Variants in ADAMTSL1 observed in about 807,000 individuals in gnomAD.
ADAMTSL1 encodes ADAMTS-like protein 1.
A neutral mutation model predicts 201.8 loss-of-function variants in ADAMTSL1; 126 were observed. The ratio of observed to expected loss-of-function variants is 0.62; its 90% CI spans 0.54 to 0.72. ADAMTSL1 has a LOEUF of 0.72. Among genes scored for constraint, ADAMTSL1 ranks in the 30% least tolerant of loss-of-function variants. The pLI is 0.00. For synonymous variants in ADAMTSL1, 1,121 were observed against 903.4 expected (o/e 1.24, Z -4.32); for missense variants, 2,679 against 2,277.8 (o/e 1.18, Z -3.59).
At chr9:18,045,703 C>T (rs1346603542) in intron 1 of ADAMTSL1, among the ~76,000 whole-genome samples, 1 of 151,900 alleles carries the variant, frequency 6.6e-6, no homozygotes, top group Non-Finnish European at 1.5e-5. Flanking sequence ...GTCATCATTT[C>T]CATGGATCAG....
At chr9:18,808,455 C>G (rs1274518413) in intron 20 of ADAMTSL1, among the ~76,000 whole-genome samples, 2 of 152,124 alleles carry the variant, frequency 1.3e-5, no homozygotes, top group African/African-American at 2.4e-5. Flanking sequence ...CAACAGTGAT[C>G]CTCCTGACAA....
At chr9:18,866,001 G>T (rs1443009484) in intron 23 of ADAMTSL1, among the ~76,000 whole-genome samples, 4 of 151,734 alleles carry the variant, frequency 2.6e-5, no homozygotes, top group Non-Finnish European at 5.9e-5. Flanking sequence ...GAAGGAAAGG[G>T]AGGGTTGGGA....
chr9:18,109,744 C>T (rs1315584794), intron 1 of ADAMTSL1, among the ~76,000 whole-genome samples: 1 of 152,124 alleles, frequency 6.6e-6, no homozygotes, highest in East Asian at 1.9e-4. Context: ...CCCAATGTCC[C>T]TTGAATTCTT....
intron 7 of ADAMTSL1, among the ~76,000 whole-genome samples, chr9:18,654,239 G>A (rs1372609919): frequency 6.6e-6 from 1 of 152,126 alleles, no homozygotes; most frequent in Non-Finnish European, 1.5e-5. Context: ...AAAACAAAGT[G>A]CTCTTGGATA....
chr9:18,865,178 T>C (rs1004506552), intron 23 of ADAMTSL1, among the ~76,000 whole-genome samples: 17 of 152,152 alleles, frequency 1.1e-4, no homozygotes, highest in African/African-American at 2.4e-4. Context: ...CTCCTAATGC[T>C]ATCCCTCCCC....
At chr9:18,211,513 C>G (rs529737337) in intron 2 of ADAMTSL1, among the ~76,000 whole-genome samples, 96 of 152,262 alleles carry the variant, frequency 6.3e-4, no homozygotes, top group Middle Eastern at 3.4e-3. Context: ...AAAAACCTCT[C>G]TAGGACTCTC....
chr9:18,052,841 C>CATTT (rs1821999180), intron 1 of ADAMTSL1, among the ~76,000 whole-genome samples: 1 of 152,082 alleles, frequency 6.6e-6, no homozygotes. Context: ...ATTCTCTGTA[C>CATTT]ATTTTGAAAA....
chr9:18,254,994 GTATT>G (rs1333666738), intron 2 of ADAMTSL1, among the ~76,000 whole-genome samples: 2 of 152,024 alleles, frequency 1.3e-5, no homozygotes, highest in African/African-American at 2.4e-5. Context: ...TATTTTTTCT[GTATT>G]TAAAGTGTGA....
At chr9:17,948,832 C>G (rs780394423) in intron 1 of ADAMTSL1, among the ~76,000 whole-genome samples, 10 of 152,184 alleles carry the variant, frequency 6.6e-5, no homozygotes, top group Non-Finnish European at 1.2e-4. Context: ...GATGCCAGGA[C>G]TATAAGTGTA....
chr9:18,076,637 A>T (rs1048398015), intron 1 of ADAMTSL1, among the ~76,000 whole-genome samples: 3 of 152,180 alleles, frequency 2.0e-5, no homozygotes, highest in African/African-American at 7.2e-5. Context: ...GAATATTTGG[A>T]GACCTCTTAG....
At chr9:18,536,701 C>G (rs1346706145) in intron 3 of ADAMTSL1, among the ~76,000 whole-genome samples, 3 of 152,156 alleles carry the variant, frequency 2.0e-5, no homozygotes, top group African/African-American at 7.2e-5. Flanking sequence ...TGCTCCATCT[C>G]TGGAAGGAAA....
At chr9:18,780,547 A>T (rs1821335892) in intron 19 of ADAMTSL1, among the ~76,000 whole-genome samples, 1 of 152,192 alleles carries the variant, frequency 6.6e-6, no homozygotes, top group Admixed American at 6.5e-5. Flanking sequence ...AAGTAATAAA[A>T]GGGCTATAAA....
intron 1 of ADAMTSL1, among the ~76,000 whole-genome samples, chr9:17,951,757 A>G (rs1422516434): frequency 6.6e-6 from 1 of 151,628 alleles, no homozygotes. Flanking sequence ...TTATCTTTTA[A>G]TTTTATGATA....
intron 1 of ADAMTSL1, among the ~76,000 whole-genome samples, chr9:18,151,387 G>A (rs1434826254): frequency 6.6e-6 from 1 of 151,968 alleles, no homozygotes; most frequent in Non-Finnish European, 1.5e-5. Context: ...TCTCAGAGTT[G>A]GAAAGACTCT....
Position 18,071,269 on chromosome 9 carries a change from A to T in ADAMTSL1, c.88-92593A>T, listed in dbSNP as rs145048507. 4.1e-3 allele frequency among the ~76,000 whole-genome samples: 618 copies of T among 152,320 alleles called. 7 individuals carry two copies. Among genetic ancestry groups the T allele is most frequent in the African/African-American group, 0.014 (567 of 41,566 alleles). ...TTGTCAGATGTTTTTGGTTCAAAAAAATTAAAGGTTTGGTCACTTCAGAGC... is the reference window on the plus strand; with the variant it reads ...TTGTCAGATGTTTTTGGTTCAAAAATATTAAAGGTTTGGTCACTTCAGAGC... On this transcript the variant is annotated intron_variant, in intron 1 of 29. Coordinates refer to the ADAMTSL1 transcript ENST00000680146.
intron 2 of ADAMTSL1, among the ~76,000 whole-genome samples, chr9:18,511,847 G>A (rs905125745): frequency 2.0e-5 from 3 of 152,036 alleles, no homozygotes; most frequent in African/African-American, 7.2e-5. Flanking sequence ...ACAAATGTTT[G>A]TTTTTTTCTC....
chr9:18,246,513 A>T (rs1276185760), intron 2 of ADAMTSL1, among the ~76,000 whole-genome samples: 1 of 152,200 alleles, frequency 6.6e-6, no homozygotes, highest in African/African-American at 2.4e-5. Flanking sequence ...AATAGTTATT[A>T]TTTGTTGAGT....
chr9:18,195,590 A>G (rs554875931), intron 2 of ADAMTSL1, among the ~76,000 whole-genome samples: 7 of 152,140 alleles, frequency 4.6e-5, no homozygotes, highest in Non-Finnish European at 8.8e-5. Context: ...GTAATGATAC[A>G]TTTGCAAGGA....
At chr9:18,531,550 C>A (rs943871360) in intron 2 of ADAMTSL1, among the ~76,000 whole-genome samples, 3 of 152,156 alleles carry the variant, frequency 2.0e-5, no homozygotes, top group African/African-American at 7.2e-5. Context: ...AGTCTGATTA[C>A]AGTCAAGTCT....
Sources: allele counts gnomAD v4.1 joint callset (sites outside exome capture counted in the v4.1 genomes callset), GRCh38; gene constraint gnomAD v4.1.1; transcripts MANE v1.5; gene names NCBI Gene and HGNC (gene_info 2026-07-23, HGNC 2026-07-21).